Variants in SND1 observed in about 807,000 individuals in gnomAD.
SND1 encodes the protein staphylococcal nuclease domain-containing protein 1.
A neutral mutation model predicts 121.7 loss-of-function variants in SND1; 38 were observed. The ratio of observed to expected loss-of-function variants is 0.31; its 90% CI spans 0.24 to 0.41. The LOEUF is 0.41. Ranked by LOEUF, SND1 falls within the 10% of genes least tolerant of loss-of-function variation. SND1 has a pLI of 1.00. For missense variants in SND1, 868 were observed against 1,184.6 expected (o/e 0.73, Z 3.92); for synonymous variants, 401 against 447.4 (o/e 0.90, Z 1.31).
intron 10 of SND1, among the ~76,000 whole-genome samples, chr7:127,763,184 AT>A (rs1342375299): frequency 6.6e-6 from 1 of 152,304 alleles, no homozygotes; most frequent in East Asian, 1.9e-4. Flanking sequence ...ATATATATAA[AT>A]GTTACTTAAA....
At chr7:127,939,000 T>A (rs1801125134) in intron 15 of SND1, among the ~76,000 whole-genome samples, 1 of 152,050 alleles carries the variant, frequency 6.6e-6, no homozygotes, top group African/African-American at 2.4e-5. Context: ...TGTATTGACA[T>A]GAAGAAAAAA....
intron 16 of SND1, among the ~76,000 whole-genome samples, chr7:128,020,242 A>C (rs1803315127): frequency 6.6e-6 from 1 of 152,238 alleles, no homozygotes; most frequent in Admixed American, 6.5e-5. Context: ...CAGAGCATTA[A>C]GCACAGATAA....
chr7:127,953,214 GTGTGTGTA>G lies in SND1; in HGVS notation c.1669+23889_1669+23896del, dbSNP rs1270565640. Reference sequence around the variant, plus strand: ...TGTGTGTGTGTGTGTGTGTGTGTGTGTGTGTGTATGTATGAAAAGAAGAAAGCATCTGT... The same window carrying G: ...TGTGTGTGTGTGTGTGTGTGTGTGTGTGTATGAAAAGAAGAAAGCATCTGT... On this transcript the variant is annotated intron_variant, in intron 15 of 23. Coordinates refer to ENST00000354725, the MANE Select transcript of SND1 (RefSeq NM_014390.4). 2.4e-3 allele frequency among the ~76,000 whole-genome samples: 151 copies of G among 62,896 alleles called. 1 individual carries two copies. The highest frequency in any genetic ancestry group is 0.02 in the Middle Eastern group (2 of 102). The allele number at this position is 62,896 out of a possible 152,430, so 41.3% of individuals were successfully genotyped here.
In SND1 at chr7:127,788,347, A is replaced by G. The variant is rs187642917; in HGVS notation, c.1153-19137A>G. Among the ~76,000 whole-genome samples, 186 of 152,384 alleles carry G rather than the reference A, an allele frequency of 1.2e-3. 2 individuals are homozygous for G. The highest frequency in any genetic ancestry group is 4.3e-3 in the African/African-American group (179 of 41,588). ...GAGACAAATACATGGTTCCCAGATC[A>G]TACAGTTTGTAATTAGCAGATTAGA... On this transcript the variant is annotated intron_variant, in intron 10 of 23. Coordinates refer to ENST00000354725, the MANE Select transcript of SND1 (RefSeq NM_014390.4).
chr7:127,728,045 A>T (rs1189645451), intron 10 of SND1, among the ~76,000 whole-genome samples: 1 of 152,178 alleles, frequency 6.6e-6, no homozygotes, highest in African/African-American at 2.4e-5. Context: ...CTGGATAGAT[A>T]GCAGACTTTG....
At chr7:127,823,129 G>A (rs190962353) in intron 11 of SND1, among the ~76,000 whole-genome samples, 113 of 152,278 alleles carry the variant, frequency 7.4e-4, no homozygotes, top group Non-Finnish European at 1.5e-3. Context: ...GAGACAGAAG[G>A]GGATGAGCAA....
At chr7:127,805,562 A>G (rs1432785486) in intron 10 of SND1, among the ~76,000 whole-genome samples, 2 of 152,184 alleles carry the variant, frequency 1.3e-5, no homozygotes, top group Non-Finnish European at 2.9e-5. Context: ...GTAGTCAATG[A>G]ATTGAAATGT....
chr7:127,837,682 G>A (rs1301688707), intron 11 of SND1, among the ~76,000 whole-genome samples: 2 of 152,158 alleles, frequency 1.3e-5, no homozygotes, highest in Non-Finnish European at 2.9e-5. Context: ...CTCGATGAAT[G>A]GGTGATTGAT....
At chr7:127,918,722 G>A (rs1430174358) in intron 14 of SND1, among the ~76,000 whole-genome samples, 1 of 152,076 alleles carries the variant, frequency 6.6e-6, no homozygotes, top group Non-Finnish European at 1.5e-5. Context: ...GTTGGATGTT[G>A]GGGTTGTTTT....
At chr7:127,929,075 A>G (rs934437542) in intron 14 of SND1, 113 bp from the exon 15 acceptor site, 14 of 1,011,734 alleles carry the variant, frequency 1.4e-5, no homozygotes, top group Admixed American at 1.2e-4. Context: ...AGAAATGTCT[A>G]TAAATAGGGT....
intron 15 of SND1, among the ~76,000 whole-genome samples, chr7:127,932,452 G>T (rs1163678250): frequency 6.6e-6 from 1 of 152,210 alleles, no homozygotes; most frequent in Non-Finnish European, 1.5e-5. Flanking sequence ...TCATGAAATG[G>T]AATCTAGTCC....
At chr7:128,089,411 T>G in intron 21 of SND1, 78 bp from the exon 22 acceptor site, 1 of 1,401,668 alleles carries the variant, frequency 7.1e-7, no homozygotes, top group Non-Finnish European at 9.8e-7. Flanking sequence ...CAGACTTTCT[T>G]GGGAGTCTAT....
At chr7:127,678,601 C>A (rs1204016368) in intron 1 of SND1, among the ~76,000 whole-genome samples, 2 of 152,124 alleles carry the variant, frequency 1.3e-5, no homozygotes, top group Non-Finnish European at 1.5e-5. Context: ...CACACACACA[C>A]AAAACAAACA....
intron 10 of SND1, among the ~76,000 whole-genome samples, chr7:127,783,299 T>A (rs1252888978): frequency 6.6e-6 from 1 of 152,184 alleles, no homozygotes; most frequent in Non-Finnish European, 1.5e-5. Context: ...CTGTTTTGAT[T>A]TTTGAAGCCT....
In SND1 at chr7:127,954,458, A is replaced by G. The variant is rs575289253; in HGVS notation, c.1669+25129A>G. Among the ~76,000 whole-genome samples the G allele has an allele frequency of 5.9e-5, 9 of 152,168 alleles. No individual in the cohort carries two copies. In the East Asian group the frequency reaches 1.7e-3, roughly 29 times the overall value. ...AGTGGCTCCGATGGTCTCTTGAAGC[A>G]GGGTTGAAAGAGACTCTGGGGAGAT... On this transcript the variant is annotated intron_variant, in intron 15 of 23. Transcript: ENST00000354725.
intron 1 of SND1, among the ~76,000 whole-genome samples, chr7:127,670,841 A>T (rs1795503099): frequency 6.6e-6 from 1 of 152,114 alleles, no homozygotes; most frequent in South Asian, 2.1e-4. Context: ...AATTAAAAAA[A>T]AAAAAAACCA....
rs925598294 is a variant in SND1, at chr7:127,993,845, T to C, written c.1779+2789T>C. On this transcript the variant is annotated intron_variant, in intron 16 of 23. Transcript: ENST00000354725. ...GATTTCAGAGTACTTCCTGGGCCCC[T>C]GTGTGATCCGACAGAGGCCTGGTCA... is the stretch of plus-strand genomic sequence containing the variant. Among the ~76,000 whole-genome samples the C allele has an allele frequency of 1.6e-4, 24 of 152,330 alleles. 1 individual carries two copies. Among genetic ancestry groups the C allele is most frequent in the African/African-American group, 5.3e-4 (22 of 41,574 alleles).
chr7:127,665,226 G>A (rs1000884759), intron 1 of SND1, among the ~76,000 whole-genome samples: 2 of 149,488 alleles, frequency 1.3e-5, no homozygotes, highest in African/African-American at 4.9e-5. Flanking sequence ...TCACTCTGTC[G>A]CCCAGGCTGC....
intron 1 of SND1, among the ~76,000 whole-genome samples, chr7:127,663,544 G>GT (rs994946179): frequency 1.3e-5 from 2 of 151,898 alleles, no homozygotes; most frequent in African/African-American, 4.8e-5. Flanking sequence ...GCTAATGTTT[G>GT]TTTTTTGTAT....
Sources: allele counts gnomAD v4.1 joint callset (sites outside exome capture counted in the v4.1 genomes callset), GRCh38; gene constraint gnomAD v4.1.1; transcripts MANE v1.5; gene names NCBI Gene and HGNC (gene_info 2026-07-23, HGNC 2026-07-21).